The following NFILZ variants were observed in gnomAD, a reference collection of about 807,000 sequenced individuals.
NFILZ encodes the protein NFIL3 like protein.
intron 3 of NFILZ, among the ~76,000 whole-genome samples, chr19:8,649,556 C>A (rs1326092970): frequency 1.3e-5 from 2 of 151,928 alleles, no homozygotes; most frequent in African/African-American, 4.8e-5. Context: ...CGTGAGCTAC[C>A]GTGCCCGGCA....
chr19:8,661,120 TTCC>T (rs2043029909), intron 3 of NFILZ, among the ~76,000 whole-genome samples: 1 of 98,898 alleles, frequency 1.0e-5, no homozygotes, highest in South Asian at 4.8e-4. Flanking sequence ...CCTTCCTTCC[TTCC>T]CTCCCTTCCT....
At chr19:8,647,817 A>ACACG (rs2042948131) in intron 3 of NFILZ, among the ~76,000 whole-genome samples, 2 of 142,514 alleles carry the variant, frequency 1.4e-5, no homozygotes, top group East Asian at 4.6e-4. Flanking sequence ...ACACACACAC[A>ACACG]CACACACACA....
intron 3 of NFILZ, among the ~76,000 whole-genome samples, chr19:8,653,053 T>C (rs1330703928): frequency 1.4e-4 from 15 of 106,740 alleles, no homozygotes; most frequent in South Asian, 3.0e-4. Flanking sequence ...TCTCTCTCTC[T>C]CTCTCTCTCT....
rs2043122807 is a variant in NFILZ, at chr19:8,678,091, T to TG, written c.*456_*457insG. On this transcript the variant is annotated 3_prime_UTR_variant, in exon 6 of 6. Transcript: ENST00000691075. ...ATCCATCCATCAATCCATCCATCCA[T>TG]TCCATCCATCCATCCATCCATCCAT... Among the ~76,000 whole-genome samples, 2 of 4,146 alleles carry TG rather than the reference T, an allele frequency of 4.8e-4. No individual in the cohort carries two copies. The highest frequency in any genetic ancestry group is 8.3e-4 in the Non-Finnish European group (2 of 2,420). The allele number at this position is 4,146 out of a possible 152,430, so 2.7% of individuals were successfully genotyped here.
At chr19:8,674,082 C>T (rs955327284) in intron 3 of NFILZ, among the ~76,000 whole-genome samples, 13 of 152,120 alleles carry the variant, frequency 8.5e-5, no homozygotes, top group Non-Finnish European at 1.3e-4. Flanking sequence ...CCTTGTGATC[C>T]GCCTGCCTCG....
chr19:8,660,040 T>C (rs1555748917), intron 3 of NFILZ, among the ~76,000 whole-genome samples: 2 of 152,126 alleles, frequency 1.3e-5, no homozygotes, highest in African/African-American at 4.8e-5. Context: ...GCCACTGCCC[T>C]GTGGGAGGTC....
At chr19:8,652,771 T>C (rs886153138) in intron 3 of NFILZ, among the ~76,000 whole-genome samples, 1 of 152,010 alleles carries the variant, frequency 6.6e-6, no homozygotes, top group Non-Finnish European at 1.5e-5. Context: ...CTTTCTTTTT[T>C]TCCTTTCTTT....
At chr19:8,640,030 G>T (rs782815227) in intron 3 of NFILZ, among the ~76,000 whole-genome samples, 1 of 152,128 alleles carries the variant, frequency 6.6e-6, no homozygotes, top group Non-Finnish European at 1.5e-5. Flanking sequence ...GAGATTTGGC[G>T]TCTGCCTCTC....
At chr19:8,658,850 T>A (rs2043016767) in intron 3 of NFILZ, among the ~76,000 whole-genome samples, 1 of 152,092 alleles carries the variant, frequency 6.6e-6, no homozygotes, top group Admixed American at 6.6e-5. Context: ...TTCAGGAGGC[T>A]GAGGTGGGAG....
intron 3 of NFILZ, among the ~76,000 whole-genome samples, chr19:8,656,391 C>CTGCAG (rs1209089558): frequency 7.4e-6 from 1 of 134,726 alleles, no homozygotes; most frequent in Admixed American, 7.9e-5. Flanking sequence ...CCACCTTCTC[C>CTGCAG]CGCAGCCCAC....
intron 3 of NFILZ, among the ~76,000 whole-genome samples, chr19:8,647,298 G>A (rs1056159388): frequency 6.6e-6 from 1 of 152,174 alleles, no homozygotes; most frequent in African/African-American, 2.4e-5. Flanking sequence ...TCGGCCAGGC[G>A]CGGTGGCTCA....
At chr19:8,632,804 C>A (rs190211052) in intron 2 of NFILZ, among the ~76,000 whole-genome samples, 179 bp downstream of exon 2, 154 of 151,552 alleles carry the variant, frequency 1.0e-3, no homozygotes, top group African/African-American at 3.5e-3. Flanking sequence ...CTCACTGCAA[C>A]CTCCGCCTCC....
rs1221859557 is a variant in NFILZ at position 8,674,547 on chromosome 19, G to C, written c.-163-4G>C. ...AAACTAAACTTTTTTTTTTTTTTTT[G>C]CAGGATTTCTCAGAGCCTTCAATGT... On this transcript the variant is annotated splice_polypyrimidine_tract_variant and splice_region_variant and intron_variant, in intron 3 of 5. Coordinates refer to ENST00000691075, the MANE Select transcript of NFILZ (RefSeq NM_001378600.1). Among the ~76,000 whole-genome samples the C allele has an allele frequency of 8.9e-6, 1 of 112,238 alleles. No individual in the cohort carries two copies. The highest frequency in any genetic ancestry group is 3.8e-5 in the African/African-American group (1 of 26,462). 73.6% of individuals were successfully genotyped at this position (112,238 alleles called of 152,430 possible). A position where few individuals can be genotyped will look rare whatever the true frequency, so the allele number is the denominator to read the frequency against.
chr19:8,655,180 C>T (rs1481591190), intron 3 of NFILZ, among the ~76,000 whole-genome samples: 2 of 152,170 alleles, frequency 1.3e-5, no homozygotes, highest in East Asian at 3.9e-4. Flanking sequence ...AGGAATTAGA[C>T]AATCTGAAAG....
In NFILZ at chr19:8,657,416, G is replaced by T. The variant is rs549360061; in HGVS notation, c.-163-17135G>T. ...CGCGCCTGGCCTGGCGATTGCTTTT[G>T]TCTGCAGGGGGTCGTTGGGGACTCT... On this transcript the variant is annotated intron_variant, in intron 3 of 5. Coordinates refer to ENST00000691075, the MANE Select transcript of NFILZ (RefSeq NM_001378600.1). Among the ~76,000 whole-genome samples, 58 of 152,212 alleles carry T rather than the reference G, an allele frequency of 3.8e-4. 2 individuals carry two copies. The highest frequency in any genetic ancestry group is 2.7e-3 in the East Asian group (14 of 5,174).
At chr19:8,653,481 A>G (rs1450368598) in intron 3 of NFILZ, among the ~76,000 whole-genome samples, 1 of 152,146 alleles carries the variant, frequency 6.6e-6, no homozygotes, top group Non-Finnish European at 1.5e-5. Context: ...GCTGGTGTCA[A>G]ATACACCAGG....
intron 3 of NFILZ, among the ~76,000 whole-genome samples, chr19:8,658,073 C>T (rs1347130052): frequency 6.6e-6 from 1 of 152,150 alleles, no homozygotes; most frequent in Admixed American, 6.6e-5. Flanking sequence ...CAGGAGCATT[C>T]CAGGCAGAGG....
At chr19:8,653,038 TTCTCTCTC>T (rs1163296485) in intron 3 of NFILZ, among the ~76,000 whole-genome samples, 118 of 90,544 alleles carry the variant, frequency 1.3e-3, no homozygotes, top group African/African-American at 1.8e-3. Context: ...CTTTCTTTCT[TTCTCTCTC>T]TCTCTCTCTC....
chr19:8,656,271 A>AAACCCACCTCTTTCCGC (rs2042993596), intron 3 of NFILZ, among the ~76,000 whole-genome samples: 2 of 117,526 alleles, frequency 1.7e-5, no homozygotes, highest in African/African-American at 2.8e-5. Context: ...CTTCTCTCTG[A>AAACCCACCTCTTTCCGC]AGCCCACCTT....
Sources: allele counts gnomAD v4.1 joint callset (sites outside exome capture counted in the v4.1 genomes callset), GRCh38; gene constraint gnomAD v4.1.1; transcripts MANE v1.5; gene names NCBI Gene and HGNC (gene_info 2026-07-23, HGNC 2026-07-21).